ZCCHC14: variants seen among roughly 807,000 people sequenced by gnomAD.
The protein encoded by ZCCHC14 is zinc finger CCHC-type containing 14.
ZCCHC14 carries 16 observed loss-of-function variants against 85.0 expected under a neutral mutation model. The observed-to-expected ratio is 0.19, with a 90% CI of 0.13 to 0.29. The LOEUF is 0.29. Among genes scored for constraint, ZCCHC14 ranks in the 10% least tolerant of loss-of-function variants. The pLI is 1.00. For missense variants in ZCCHC14, 1,303 were observed against 1,443.5 expected (o/e 0.90, Z 1.58); for synonymous variants, 775 against 630.7 (o/e 1.23, Z -3.43).
chr16:87,468,912 T>G (rs961243375), intron 1 of ZCCHC14, among the ~76,000 whole-genome samples: 13 of 152,204 alleles, frequency 8.5e-5, no homozygotes, highest in African/African-American at 3.1e-4. Context: ...GTACTGCGTC[T>G]GCATGTGGAA....
intron 2 of ZCCHC14, among the ~76,000 whole-genome samples, chr16:87,439,385 G>A (rs946344101): frequency 3.3e-5 from 5 of 152,016 alleles, no homozygotes; most frequent in East Asian, 1.9e-4. Flanking sequence ...CACCCGCCTC[G>A]GCCTCCCAAA....
intron 4 of ZCCHC14, among the ~76,000 whole-genome samples, chr16:87,423,390 A>G (rs1253475095): frequency 6.6e-6 from 1 of 152,174 alleles, no homozygotes; most frequent in African/African-American, 2.4e-5. Context: ...TCTTAAAAAA[A>G]TAATAATAAA....
chr16:87,417,101 C>T (rs141491852), intron 8 of ZCCHC14, among the ~76,000 whole-genome samples: 6 of 152,314 alleles, frequency 3.9e-5, no homozygotes, highest in East Asian at 1.9e-4. Flanking sequence ...TCTGGCCCGC[C>T]GCAGTGTCTG....
Position 87,409,846 on chromosome 16 carries a change from C to T in ZCCHC14, c.*434G>A, listed in dbSNP as rs117014569. The T allele has an allele frequency of 9.9e-4, 155 of 156,462 alleles. 1 individual carries two copies. In the East Asian group the frequency reaches 0.028, roughly 28 times the overall value. The allele number at this position is 156,462 out of a possible 1,614,324, so 9.7% of individuals were successfully genotyped here. On this transcript the variant is annotated 3_prime_UTR_variant, in exon 13 of 13. Transcript: ENST00000671377. ...CTTTAGGAACAGAACAAAACAAAGTCGACATTTTCCCTAGCCCAGGGGTGT... is the reference window on the plus strand; with the variant it reads ...CTTTAGGAACAGAACAAAACAAAGTTGACATTTTCCCTAGCCCAGGGGTGT...
chr16:87,477,677 GA>G (rs1459330387), intron 1 of ZCCHC14, among the ~76,000 whole-genome samples: 1 of 151,990 alleles, frequency 6.6e-6, no homozygotes, highest in Admixed American at 6.6e-5. Context: ...AATAGAACTT[GA>G]CTCATGGAGC....
At chr16:87,465,698 G>C (rs563982709) in intron 1 of ZCCHC14, among the ~76,000 whole-genome samples, 84 of 152,356 alleles carry the variant, frequency 5.5e-4, no homozygotes, top group Admixed American at 2.8e-3. Flanking sequence ...TGATTCATGA[G>C]GTCCGGGGTG....
chr16:87,438,723 G>A (rs572265653), intron 2 of ZCCHC14, among the ~76,000 whole-genome samples: 8 of 152,232 alleles, frequency 5.3e-5, no homozygotes, highest in East Asian at 1.9e-4. Context: ...CTGGGCCCAC[G>A]GTCAGCACTG....
At chr16:87,450,700 G>A (rs962832569) in intron 2 of ZCCHC14, among the ~76,000 whole-genome samples, 2 of 151,376 alleles carry the variant, frequency 1.3e-5, no homozygotes, top group Non-Finnish European at 2.9e-5. Flanking sequence ...CCTCCTGAGT[G>A]AGTAGCTGGG....
At chr16:87,439,862 A>G (rs892965017) in intron 2 of ZCCHC14, among the ~76,000 whole-genome samples, 11 of 152,256 alleles carry the variant, frequency 7.2e-5, no homozygotes, top group African/African-American at 2.7e-4. Flanking sequence ...CAGGACAATC[A>G]GCACAATAGT....
intron 2 of ZCCHC14, among the ~76,000 whole-genome samples, chr16:87,441,438 T>C (rs918415616): frequency 6.6e-6 from 1 of 152,208 alleles, no homozygotes; most frequent in African/African-American, 2.4e-5. Flanking sequence ...ATTTCTTTTT[T>C]TTTGTCTTTG....
In ZCCHC14 at chr16:87,445,191, G is replaced by A. The variant is rs976503398; in HGVS notation, c.695-11990C>T. ...AAGCAATTCTCCTGCCTCAGCCTCCGAAGCAGCTGGGACTACAGGTGTGCT... is the reference window on the plus strand; with the variant it reads ...AAGCAATTCTCCTGCCTCAGCCTCCAAAGCAGCTGGGACTACAGGTGTGCT... On this transcript the variant is annotated intron_variant, in intron 2 of 12. Coordinates refer to ENST00000671377, the MANE Select transcript of ZCCHC14 (RefSeq NM_015144.3). 4.0e-5 allele frequency among the ~76,000 whole-genome samples: 6 copies of A among 151,574 alleles called. No individual in the cohort carries two copies. The South Asian group carries it at 6.3e-4, about 16-fold the overall frequency.
intron 2 of ZCCHC14, among the ~76,000 whole-genome samples, chr16:87,455,866 T>C (rs901867071): frequency 6.6e-6 from 1 of 152,204 alleles, no homozygotes; most frequent in African/African-American, 2.4e-5. Context: ...AAGTGGGCTG[T>C]GTGTTAGATA....
chr16:87,411,927 C>T lies in ZCCHC14; in HGVS notation c.2794G>A (p.Gly932Ser), dbSNP rs1908468661. ...CIVCTSCGCS[G>S]SCGSSGLTVS... is the part of the protein sequence containing the mutation. The stretch of plus-strand genomic sequence containing the variant: ...GTCAGGCCACTCGAGCCGCAGCTGC[C>T]GCTGCAGCCACAGGACGTGCACACA... The change falls in exon 12 of 13, where the codon GGC (glycine) becomes AGC (serine). Residue 932 changes from glycine (G) to serine (S), a missense_variant. Gly to Ser is a moderately conservative substitution (Grantham distance 56, BLOSUM62 0). This residue lies in a region of ZCCHC14 where 797 missense variants were observed against 730.8 expected (regional missense o/e 1.09). Transcript: ENST00000671377. 1 of 1,605,170 alleles carries T rather than the reference C, an allele frequency of 6.2e-7. No homozygotes were observed. Among genetic ancestry groups the T allele is most frequent in the Non-Finnish European group, 8.5e-7 (1 of 1,177,226 alleles).
intron 2 of ZCCHC14, among the ~76,000 whole-genome samples, chr16:87,445,464 T>C (rs1393302174): frequency 2.0e-5 from 3 of 152,146 alleles, no homozygotes; most frequent in East Asian, 1.9e-4. Context: ...ATTGGAGAGG[T>C]TGAATTTCTT....
At chr16:87,490,727 G>T (rs943299086) in intron 1 of ZCCHC14, among the ~76,000 whole-genome samples, 1 of 152,230 alleles carries the variant, frequency 6.6e-6, no homozygotes, top group African/African-American at 2.4e-5. Context: ...GGCTCTGGGA[G>T]TCTTTTTCTG....
intron 2 of ZCCHC14, among the ~76,000 whole-genome samples, chr16:87,445,259 G>C (rs942284717): frequency 6.6e-6 from 1 of 152,004 alleles, no homozygotes; most frequent in Non-Finnish European, 1.5e-5. Context: ...TAGAAACGGG[G>C]TTTCACCATG....
intron 1 of ZCCHC14, chr16:87,471,428 A>T (rs1266620426): frequency 6.6e-6 from 1 of 152,284 alleles, no homozygotes; most frequent in Non-Finnish European, 1.5e-5. Context: ...AGCTCTACTC[A>T]TCAAAAAGAG....
At chr16:87,432,655 G>T (rs56313455) in intron 3 of ZCCHC14, among the ~76,000 whole-genome samples, 3 of 152,142 alleles carry the variant, frequency 2.0e-5, no homozygotes, top group African/African-American at 7.2e-5. Flanking sequence ...GTCACCGTGG[G>T]TCACCGGGAA....
chr16:87,420,831 A>G lies in ZCCHC14; in HGVS notation c.841-115T>C, dbSNP rs1597404218. The G allele has an allele frequency of 2.5e-6, 2 of 797,634 alleles. No individual in the cohort carries two copies. The highest frequency in any genetic ancestry group is 2.8e-5 in the East Asian group (1 of 35,166). The allele number at this position is 797,634 out of a possible 1,614,324, so 49.4% of individuals were successfully genotyped here. ...CTCCATGGTGCCGCCTGCTGGTCTG[A>G]TATGATTTACACCTCCCGTCAGAGC... On this transcript the variant is annotated intron_variant, in intron 4 of 12. Transcript: ENST00000671377. The surrounding 1 kb of genome is among the most constrained non-coding windows in gnomAD (Gnocchi z 5.0).
Sources: allele counts gnomAD v4.1 joint callset (sites outside exome capture counted in the v4.1 genomes callset), GRCh38; gene constraint gnomAD v4.1.1; regional missense constraint gnomAD v4.1.1; non-coding constraint Gnocchi (gnomAD v3.1); transcripts MANE v1.5; gene names NCBI Gene and HGNC (gene_info 2026-07-23, HGNC 2026-07-21).